The following CACNA1A variants were observed in gnomAD, a reference collection of about 807,000 sequenced individuals.
CACNA1A encodes voltage-dependent P/Q-type calcium channel subunit alpha-1A.
CACNA1A carries 57 observed loss-of-function variants against 262.4 expected under a neutral mutation model. The observed-to-expected ratio is 0.22, with a 90% CI of 0.18 to 0.27. The LOEUF is 0.27. CACNA1A is among the 10% of genes least tolerant of loss of function. The pLI is 1.00. For missense variants in CACNA1A, 2,526 were observed against 3,562.8 expected (o/e 0.71, Z 7.41); for synonymous variants, 1,431 against 1,419.3 (o/e 1.01, Z -0.18).
chr19:13,423,759 C>T (rs2060354799), intron 3 of CACNA1A, among the ~76,000 whole-genome samples: 1 of 152,112 alleles, frequency 6.6e-6, no homozygotes, highest in Non-Finnish European at 1.5e-5. Flanking sequence ...AAGTGATCCA[C>T]CTGCCTCAGC....
At chr19:13,263,741 G>A (rs2056795884) in intron 24 of CACNA1A, among the ~76,000 whole-genome samples, 2 of 151,552 alleles carry the variant, frequency 1.3e-5, no homozygotes, top group Non-Finnish European at 2.9e-5. Flanking sequence ...GGCTGGTCTT[G>A]AACTCCTGAC....
chr19:13,357,011 G>A (rs577849501), intron 6 of CACNA1A, among the ~76,000 whole-genome samples: 1 of 152,168 alleles, frequency 6.6e-6, no homozygotes, highest in Non-Finnish European at 1.5e-5. Context: ...AAATTATCAG[G>A]ATAACAGTAG....
Position 13,332,872 on chromosome 19 carries a change from C to A in CACNA1A, c.1252G>T (p.Asp418Tyr). Residue 418 changes from aspartate to tyrosine, a missense_variant, in exon 9 of 47, where the codon GAT becomes TAT. Asp to Tyr is a radical substitution (Grantham distance 160). This residue lies in a region of CACNA1A where 104 missense variants were observed against 127.6 expected (regional missense o/e 0.81). Transcript: ENST00000360228. ...ETDGEQRHPF[D>Y]ALRRTTIKKS... ...GAGGTGGGTTTAGAGCAGTTACCAT[C>A]AAAGGGATGCCTCTGCTCCCCGTCA... is the stretch of plus-strand genomic sequence containing the variant. 6.2e-7 allele frequency: 1 copy of A among 1,611,264 alleles called. No homozygotes were observed. Among genetic ancestry groups the A allele is most frequent in the Non-Finnish European group, 8.5e-7 (1 of 1,177,644 alleles).
intron 3 of CACNA1A, among the ~76,000 whole-genome samples, chr19:13,373,344 G>A (rs2144566643): frequency 6.6e-6 from 1 of 152,292 alleles, no homozygotes; most frequent in East Asian, 1.9e-4. Context: ...TTTTATCCAG[G>A]GGCTTGGGTC....
intron 19 of CACNA1A, among the ~76,000 whole-genome samples, chr19:13,287,262 G>C (rs1397496032): frequency 6.6e-6 from 1 of 152,072 alleles, no homozygotes; most frequent in Admixed American, 6.5e-5. Context: ...GAAGTGGGAG[G>C]ATTGCTTGAG....
chr19:13,376,833 G>A (rs1376740817), intron 3 of CACNA1A, among the ~76,000 whole-genome samples: 1 of 133,286 alleles, frequency 7.5e-6, no homozygotes, highest in South Asian at 2.3e-4. Context: ...TATAACACAT[G>A]TTATATGTGA....
intron 1 of CACNA1A, among the ~76,000 whole-genome samples, chr19:13,490,905 G>C (rs1051507780): frequency 7.4e-6 from 1 of 134,300 alleles, no homozygotes; most frequent in African/African-American, 2.7e-5. Flanking sequence ...AGTAAGGAAG[G>C]AAGAAGGAAG....
At chr19:13,342,778 C>CAG (rs1472868424) in intron 6 of CACNA1A, among the ~76,000 whole-genome samples, 2 of 152,208 alleles carry the variant, frequency 1.3e-5, no homozygotes, top group Non-Finnish European at 2.9e-5. Context: ...CTGCACTGAA[C>CAG]AGAGCCCCCT....
chr19:13,350,532 C>T (rs199507492), intron 6 of CACNA1A, among the ~76,000 whole-genome samples: 7 of 152,272 alleles, frequency 4.6e-5, no homozygotes, highest in Admixed American at 2.6e-4. Context: ...GGTGGCAAAC[C>T]GCAGAATCAG....
chr19:13,232,375 A>G, intron 34 of CACNA1A, among the ~76,000 whole-genome samples: 1 of 149,668 alleles, frequency 6.7e-6, no homozygotes, highest in African/African-American at 2.4e-5. Flanking sequence ...TTTTTAAACT[A>G]TTTTTTTTTG....
At chr19:13,239,615 ATTGGGGCGTCCC>A (rs1481005447) in intron 31 of CACNA1A, among the ~76,000 whole-genome samples, 2 of 152,136 alleles carry the variant, frequency 1.3e-5, no homozygotes, top group Non-Finnish European at 2.9e-5. Flanking sequence ...CAAAGATGCC[ATTGGGGCGTCCC>A]TCTAAGGGCC....
chr19:13,281,178 C>T (rs774565298), intron 22 of CACNA1A, among the ~76,000 whole-genome samples: 4 of 151,296 alleles, frequency 2.6e-5, no homozygotes, highest in African/African-American at 4.9e-5. Context: ...GTCAAGAGTT[C>T]GAGACCAGCC....
intron 1 of CACNA1A, among the ~76,000 whole-genome samples, chr19:13,487,675 A>T (rs199767935): frequency 3.5e-4 from 5 of 14,368 alleles, no homozygotes; most frequent in South Asian, 2.3e-3. Flanking sequence ...TTTAAAAATT[A>T]AAAAAAAAAA....
chr19:13,271,151 A>G (rs981957167), intron 24 of CACNA1A, among the ~76,000 whole-genome samples: 1 of 150,952 alleles, frequency 6.6e-6, no homozygotes, highest in African/African-American at 2.4e-5. Context: ...GTATAACTTG[A>G]TATTTAAAAA....
At chr19:13,245,114 C>T (rs2056191797) in intron 31 of CACNA1A, 68 bp downstream of exon 31, 1 of 1,252,494 alleles carries the variant, frequency 8.0e-7, no homozygotes, top group Non-Finnish European at 1.2e-6. Flanking sequence ...TGGGACCGCT[C>T]CCCCGCCCCC....
chr19:13,275,555 C>A, intron 24 of CACNA1A: 5 of 436,424 alleles, frequency 1.1e-5, no homozygotes, highest in South Asian at 9.9e-5. Flanking sequence ...GATGTTCCGG[C>A]GAGGCTAGTC....
Position 13,402,825 on chromosome 19 carries a change from C to CAT in CACNA1A, c.540-31048_540-31047dup, listed in dbSNP as rs745517782. Among the ~76,000 whole-genome samples the CAT allele has an allele frequency of 7.3e-3, 956 of 130,570 alleles. 11 individuals are homozygous for CAT. The highest frequency in any genetic ancestry group is 0.012 in the Non-Finnish European group (762 of 62,330). 85.7% of individuals were successfully genotyped at this position (130,570 alleles called of 152,430 possible). A position where few individuals can be genotyped will look rare whatever the true frequency, so the allele number is the denominator to read the frequency against. ...ACATATATATATACATATATACACA[C>CAT]ATATATATACATATATATACACATA... On this transcript the variant is annotated intron_variant, in intron 3 of 46. Coordinates refer to ENST00000360228, the MANE Select transcript of CACNA1A (RefSeq NM_001127222.2).
intron 1 of CACNA1A, among the ~76,000 whole-genome samples, chr19:13,464,126 T>C (rs866210533): frequency 6.6e-6 from 1 of 152,206 alleles, no homozygotes; most frequent in Non-Finnish European, 1.5e-5. Context: ...CAGAGGTAGA[T>C]GCCTATCATC....
intron 3 of CACNA1A, 71 bp downstream of exon 3, chr19:13,452,805 G>A: frequency 4.7e-6 from 7 of 1,487,114 alleles, no homozygotes; most frequent in Non-Finnish European, 6.5e-6. Flanking sequence ...GCCTGGCCCG[G>A]ACCACACCAA....
Sources: allele counts gnomAD v4.1 joint callset (sites outside exome capture counted in the v4.1 genomes callset), GRCh38; gene constraint gnomAD v4.1.1; regional missense constraint gnomAD v4.1.1; transcripts MANE v1.5; gene names NCBI Gene and HGNC (gene_info 2026-07-23, HGNC 2026-07-21).